DACH1: variants seen among roughly 807,000 people sequenced by gnomAD.
DACH1 encodes the protein dachshund homolog 1.
In DACH1, 12 loss-of-function variants were observed where a neutral mutation model predicts 54.2. That is an observed-to-expected ratio of 0.22 (90% CI 0.14 to 0.36). The LOEUF (loss-of-function observed/expected upper bound fraction) is 0.36. Among genes scored for constraint, DACH1 ranks in the 10% least tolerant of loss-of-function variants. The pLI, the probability that DACH1 is intolerant of heterozygous loss-of-function variation, is 1.00. For missense variants in DACH1, 805 were observed against 929.8 expected (o/e 0.87, Z 1.75); for synonymous variants, 386 against 366.2 (o/e 1.05, Z -0.62).
intron 1 of DACH1, among the ~76,000 whole-genome samples, chr13:71,779,196 CGTATATATGTGT>C (rs1886224909): frequency 8.5e-6 from 1 of 117,712 alleles, no homozygotes; most frequent in Non-Finnish European, 1.7e-5. Context: ...TACGTATATA[CGTATATATGTGT>C]ATATATATAC....
chr13:71,536,332 T>C (rs1049641810), intron 6 of DACH1, among the ~76,000 whole-genome samples: 8 of 152,126 alleles, frequency 5.3e-5, no homozygotes, highest in African/African-American at 1.7e-4. Context: ...TAGGTAGAGA[T>C]ACTTTGGTTA....
intron 1 of DACH1, among the ~76,000 whole-genome samples, chr13:71,864,995 C>CA (rs1438817037): frequency 6.6e-6 from 1 of 152,138 alleles, no homozygotes; most frequent in East Asian, 1.9e-4. Context: ...GAGAAAGAGA[C>CA]AGAGAACTCG....
chr13:71,637,047 G>A (rs918247603), intron 2 of DACH1, among the ~76,000 whole-genome samples: 2 of 151,990 alleles, frequency 1.3e-5, no homozygotes, highest in African/African-American at 2.4e-5. Context: ...TTACTGACCA[G>A]CATAGAAGTT....
At chr13:71,445,737 C>G (rs891368144) in intron 10 of DACH1, among the ~76,000 whole-genome samples, 1 of 152,098 alleles carries the variant, frequency 6.6e-6, no homozygotes, top group East Asian at 1.9e-4. Context: ...TCTGTAGGAA[C>G]AAAATTTTAA....
intron 3 of DACH1, among the ~76,000 whole-genome samples, chr13:71,581,958 A>G (rs1170290461): frequency 1.3e-5 from 2 of 152,214 alleles, no homozygotes; most frequent in African/African-American, 4.8e-5. Flanking sequence ...AGAGATTGAC[A>G]ACAGGGAATT....
At chr13:71,799,858 A>G (rs1441275905) in intron 1 of DACH1, among the ~76,000 whole-genome samples, 1 of 152,156 alleles carries the variant, frequency 6.6e-6, no homozygotes, top group African/African-American at 2.4e-5. Context: ...GAATCATTAT[A>G]TCTCCATTTT....
At chr13:71,659,181 G>C (rs763804175) in intron 2 of DACH1, among the ~76,000 whole-genome samples, 15 of 152,092 alleles carry the variant, frequency 9.9e-5, no homozygotes, top group Non-Finnish European at 2.1e-4. Flanking sequence ...AAACAAGGTA[G>C]GAAGGAAGGA....
chr13:71,600,532 T>A (rs1339249948), intron 3 of DACH1, among the ~76,000 whole-genome samples: 2 of 151,972 alleles, frequency 1.3e-5, no homozygotes, highest in Non-Finnish European at 2.9e-5. Flanking sequence ...CAAGTATACA[T>A]GCATATTTAT....
chr13:71,483,537 T>C (rs1046626013), intron 7 of DACH1, among the ~76,000 whole-genome samples: 34 of 147,206 alleles, frequency 2.3e-4, no homozygotes, highest in African/African-American at 8.1e-4. Context: ...ACAATAATTT[T>C]TATAATTATA....
intron 1 of DACH1, among the ~76,000 whole-genome samples, chr13:71,727,142 T>A (rs1883508779): frequency 6.6e-6 from 1 of 152,100 alleles, no homozygotes; most frequent in African/African-American, 2.4e-5. Flanking sequence ...TGAGGATATT[T>A]AATTAAAATC....
chr13:71,699,908 T>TA (rs1457741806), intron 1 of DACH1, among the ~76,000 whole-genome samples: 1 of 152,192 alleles, frequency 6.6e-6, no homozygotes, highest in African/African-American at 2.4e-5. Context: ...TTACTTTCAT[T>TA]AAAAAAATGT....
At chr13:71,568,901 G>A (rs1885042937) in intron 4 of DACH1, among the ~76,000 whole-genome samples, 1 of 151,964 alleles carries the variant, frequency 6.6e-6, no homozygotes, top group African/African-American at 2.4e-5. Context: ...GAGAGAGACA[G>A]GAGAGGAAAT....
At chr13:71,566,912 C>T (rs1270651824) in intron 4 of DACH1, among the ~76,000 whole-genome samples, 3 of 152,038 alleles carry the variant, frequency 2.0e-5, no homozygotes, top group Non-Finnish European at 4.4e-5. Flanking sequence ...TAAAAACCAA[C>T]ATGAAGTATA....
chr13:71,863,392 T>C (rs907744607), intron 1 of DACH1, among the ~76,000 whole-genome samples: 1 of 152,164 alleles, frequency 6.6e-6, no homozygotes, highest in Non-Finnish European at 1.5e-5. Context: ...AGTTGATATA[T>C]GATCAAATAC....
intron 2 of DACH1, among the ~76,000 whole-genome samples, chr13:71,634,341 G>A (rs1432857864): frequency 6.6e-6 from 1 of 152,066 alleles, no homozygotes; most frequent in Non-Finnish European, 1.5e-5. Context: ...TCTCATGGCT[G>A]TCAGCGCCCT....
chr13:71,796,624 A>C (rs1384039885), intron 1 of DACH1, among the ~76,000 whole-genome samples: 2 of 152,128 alleles, frequency 1.3e-5, no homozygotes, highest in Non-Finnish European at 2.9e-5. Context: ...CAAACAAAAA[A>C]TATTATATTT....
intron 6 of DACH1, among the ~76,000 whole-genome samples, chr13:71,509,154 T>G (rs1880565316): frequency 6.6e-6 from 1 of 152,124 alleles, no homozygotes. Context: ...AAATATATGA[T>G]TTAATTGCCT....
chr13:71,741,305 A>AT (rs1177090805), intron 1 of DACH1, among the ~76,000 whole-genome samples: 4 of 152,328 alleles, frequency 2.6e-5, no homozygotes, highest in South Asian at 4.1e-4. Context: ...GAAAAGAAAA[A>AT]TGCCCACAAG....
chr13:71,866,633 G>T lies in DACH1; in HGVS notation c.137C>A (p.Pro46His). 1 of 1,405,520 alleles carries T rather than the reference G, an allele frequency of 7.1e-7. No homozygotes were observed. The highest frequency in any genetic ancestry group is 1.9e-5 in the South Asian group (1 of 52,868). The allele number at this position is 1,405,520 out of a possible 1,614,324, so 87.1% of individuals were successfully genotyped here. The change falls in exon 1 of 11, where the codon CCC becomes CAC. Residue 46 changes from proline (P) to histidine (H), a missense_variant. By Grantham distance (77) the Pro-to-His change is moderately conservative. Around this residue, in one of 3 missense-constraint regions of DACH1, gnomAD observed 305 missense variants for 308.7 expected, o/e 0.99. Coordinates refer to ENST00000613252, the MANE Select transcript of DACH1 (RefSeq NM_080759.6). Reference sequence around the variant, plus strand: ...CAGAGTTGGCCCAGAGGACGCCGGGGGTCCGATGGAAGGAGCCGGAGACGA... The same window carrying T: ...CAGAGTTGGCCCAGAGGACGCCGGGTGTCCGATGGAAGGAGCCGGAGACGA... ...ATSSPAPSIGPPASSGPTLFR... is the reference protein window; with the variant it reads ...ATSSPAPSIGHPASSGPTLFR...
Sources: allele counts gnomAD v4.1 joint callset (sites outside exome capture counted in the v4.1 genomes callset), GRCh38; gene constraint gnomAD v4.1.1; regional missense constraint gnomAD v4.1.1; transcripts MANE v1.5; gene names NCBI Gene and HGNC (gene_info 2026-07-23, HGNC 2026-07-21).